The following KIF26B variants were observed in gnomAD, a reference collection of about 807,000 sequenced individuals.
The protein encoded by KIF26B is kinesin-like protein KIF26B.
In KIF26B, 63 loss-of-function variants were observed where a neutral mutation model predicts 151.2. That is an observed-to-expected ratio of 0.42 (90% confidence interval 0.34 to 0.51). KIF26B has a LOEUF of 0.51. KIF26B is among the 20% of genes least tolerant of loss of function. The pLI is 0.07. For synonymous variants in KIF26B, 1,357 were observed against 1,262.1 expected, an observed-to-expected ratio of 1.08 and a Z score of -1.59; for missense variants, 2,813 against 2,913.6, an observed-to-expected ratio of 0.97 and a Z score of 0.79.
chr1:245,619,745 T>C (rs1362584340), intron 9 of KIF26B, among the ~76,000 whole-genome samples: 1 of 151,682 alleles, frequency 6.6e-6, no homozygotes, highest in Non-Finnish European at 1.5e-5. Context: ...AAACCTCGTC[T>C]CTACTAAAAA....
At chr1:245,382,355 G>C (rs1174719062) in intron 3 of KIF26B, among the ~76,000 whole-genome samples, 1 of 152,104 alleles carries the variant, frequency 6.6e-6, no homozygotes, top group Non-Finnish European at 1.5e-5. Context: ...TTGGTAAGCT[G>C]AGTAATATTT....
chr1:245,195,852 G>A (rs1669183241), intron 2 of KIF26B, among the ~76,000 whole-genome samples: 1 of 152,186 alleles, frequency 6.6e-6, no homozygotes, highest in African/African-American at 2.4e-5. Context: ...GGGTGTGCTC[G>A]GAACCATTTG....
chr1:245,221,799 T>C (rs1295164657), intron 2 of KIF26B, among the ~76,000 whole-genome samples: 1 of 152,254 alleles, frequency 6.6e-6, no homozygotes. Flanking sequence ...GAGATTCAGT[T>C]CTGAGTTTTG....
intron 4 of KIF26B, among the ~76,000 whole-genome samples, chr1:245,479,260 C>A (rs531443114): frequency 4.5e-4 from 69 of 151,966 alleles, no homozygotes; most frequent in African/African-American, 1.7e-3. Context: ...GAGTAATAAT[C>A]TTTTCTATTT....
chr1:245,642,787 G>A (rs1177378161), intron 9 of KIF26B, among the ~76,000 whole-genome samples: 1 of 152,074 alleles, frequency 6.6e-6, no homozygotes, highest in East Asian at 1.9e-4. Flanking sequence ...GCAAGTTCCT[G>A]TAGAGATAGA....
chr1:245,679,525 G>A (rs2044404374), intron 10 of KIF26B, among the ~76,000 whole-genome samples: 1 of 134,668 alleles, frequency 7.4e-6, no homozygotes, highest in African/African-American at 2.8e-5. Flanking sequence ...CTGGAGTGCA[G>A]TGGCGCAATC....
At chr1:245,377,070 A>G (rs1448223463) in intron 3 of KIF26B, among the ~76,000 whole-genome samples, 3 of 151,606 alleles carry the variant, frequency 2.0e-5, no homozygotes, top group Non-Finnish European at 2.9e-5. Flanking sequence ...ACGCATCACC[A>G]CGCCTGGCTA....
Position 245,181,514 on chromosome 1 carries a change from T to TAAA in KIF26B, c.465+24841_465+24843dup, listed in dbSNP as rs369608495. Among the ~76,000 whole-genome samples, 128 of 97,960 alleles carry TAAA rather than the reference T, an allele frequency of 1.3e-3. 1 individual carries two copies. The highest frequency in any genetic ancestry group is 4.7e-3 in the Middle Eastern group (1 of 212). 64.3% of individuals were successfully genotyped at this position (97,960 alleles called of 152,430 possible). ...TCAGGAGAGAAAAACGTAGTAAAGT[T>TAAA]AAAAAAAAAAAAGCCAAAAAAAAAA... On this transcript the variant is annotated intron_variant, in intron 2 of 14. Coordinates refer to ENST00000407071, the MANE Select transcript of KIF26B (RefSeq NM_018012.4).
rs1355438651 is a variant in KIF26B at position 245,601,773 on chromosome 1, G to T, written c.1351-804G>T. ...TCCCAGGACTGTAGCTTCCAGACCC[G>T]TGTGAGGCCTCAGCCTGATTTCTGT... On this transcript the variant is annotated intron_variant, in intron 5 of 14. Coordinates refer to ENST00000407071, the MANE Select transcript of KIF26B (RefSeq NM_018012.4). The surrounding 1 kb of genome is among the most constrained non-coding windows in gnomAD (Gnocchi z 4.4). Among the ~76,000 whole-genome samples, 1 of 152,158 alleles carries T rather than the reference G, an allele frequency of 6.6e-6. No homozygotes were observed.
rs570384522 is a variant in KIF26B, at chr1:245,261,427, A to G, written c.465+104744A>G. ...ATTAGAGGCATGAGCCACCGCGCCC[A>G]GCTTGTTCGCGCTCGCTTGCTTGCT... is the stretch of plus-strand genomic sequence containing the variant. On this transcript the variant is annotated intron_variant, in intron 2 of 14. Coordinates refer to ENST00000407071, the MANE Select transcript of KIF26B (RefSeq NM_018012.4). Among the ~76,000 whole-genome samples the G allele has an allele frequency of 2.0e-5, 3 of 149,508 alleles. No homozygotes were observed. The South Asian group carries it at 6.4e-4, about 32-fold the overall frequency.
intron 4 of KIF26B, among the ~76,000 whole-genome samples, chr1:245,500,295 A>C (rs1330065846): frequency 6.6e-6 from 1 of 152,228 alleles, no homozygotes; most frequent in African/African-American, 2.4e-5. Context: ...GGCTTTAGCA[A>C]GTGATTGATT....
intron 4 of KIF26B, among the ~76,000 whole-genome samples, chr1:245,441,828 A>G (rs1208754097): frequency 6.6e-6 from 1 of 152,188 alleles, no homozygotes; most frequent in Non-Finnish European, 1.5e-5. Flanking sequence ...AAGTCCGTCA[A>G]GGGCCTTTTT....
chr1:245,309,038 A>AT (rs758021275), intron 2 of KIF26B, among the ~76,000 whole-genome samples: 3 of 152,182 alleles, frequency 2.0e-5, no homozygotes, highest in Non-Finnish European at 2.9e-5. Context: ...CCTGAGGGCC[A>AT]TTTTTTCTGA....
intron 2 of KIF26B, among the ~76,000 whole-genome samples, chr1:245,219,100 C>T (rs1056282518): frequency 7.1e-6 from 1 of 140,678 alleles, no homozygotes; most frequent in Non-Finnish European, 1.5e-5. Flanking sequence ...GCATTGTCAT[C>T]ACACAGGAGG....
chr1:245,673,363 A>G (rs1239264361), intron 10 of KIF26B, among the ~76,000 whole-genome samples: 2 of 103,096 alleles, frequency 1.9e-5, no homozygotes, highest in African/African-American at 8.5e-5. Flanking sequence ...CTGCCATCTT[A>G]GGCCCAGTCC....
chr1:245,194,874 G>T (rs185265122), intron 2 of KIF26B, among the ~76,000 whole-genome samples: 26 of 152,224 alleles, frequency 1.7e-4, no homozygotes, highest in African/African-American at 5.3e-4. Context: ...TGAAGTACAT[G>T]TGTATGGGGG....
rs959529570 is a variant in KIF26B at position 245,391,637 on chromosome 1, C to T, written c.999+24270C>T. Among the ~76,000 whole-genome samples, 16 of 96,152 alleles carry T rather than the reference C, an allele frequency of 1.7e-4. No homozygotes were observed. In the East Asian group the frequency reaches 4.7e-3, roughly 28 times the overall value. 63.1% of individuals were successfully genotyped at this position (96,152 alleles called of 152,430 possible). Reference sequence around the variant, plus strand: ...TGCCACGGCACTCCAGCCTGAGTGACAAAGTAAGACCCTGACTCAAAAAAA... The same window carrying T: ...TGCCACGGCACTCCAGCCTGAGTGATAAAGTAAGACCCTGACTCAAAAAAA... On this transcript the variant is annotated intron_variant, in intron 3 of 14. Coordinates refer to ENST00000407071, the MANE Select transcript of KIF26B (RefSeq NM_018012.4).
In KIF26B at chr1:245,424,442, C is replaced by T. The variant is rs569207444; in HGVS notation, c.1166+4697C>T. On this transcript the variant is annotated intron_variant, in intron 4 of 14. Transcript: ENST00000407071. ...AGTATTGTTTTGATTGACTAATAAA[C>T]ATTGTATATATTTACGGAGTAAAAT... Among the ~76,000 whole-genome samples, 15 of 152,294 alleles carry T rather than the reference C, an allele frequency of 9.8e-5. No individual in the cohort carries two copies. The South Asian group carries it at 2.5e-3, about 25-fold the overall frequency.
chr1:245,689,270 C>A (rs2044589755), intron 12 of KIF26B, among the ~76,000 whole-genome samples: 1 of 152,230 alleles, frequency 6.6e-6, no homozygotes, highest in African/African-American at 2.4e-5. Flanking sequence ...GGACGGTTTA[C>A]AGCCTGTTGA....
Sources: allele counts gnomAD v4.1 joint callset (sites outside exome capture counted in the v4.1 genomes callset), GRCh38; gene constraint gnomAD v4.1.1; non-coding constraint Gnocchi (gnomAD v3.1); transcripts MANE v1.5; gene names NCBI Gene and HGNC (gene_info 2026-07-23, HGNC 2026-07-21).